The following GRB10 variants were observed in gnomAD, a reference collection of about 807,000 sequenced individuals.
GRB10 encodes growth factor receptor bound protein 10.
A neutral mutation model predicts 80.9 loss-of-function variants in GRB10; 20 were observed. That is an observed-to-expected ratio of 0.25 (90% confidence interval 0.17 to 0.36). The LOEUF is 0.36. Ranked by LOEUF, GRB10 falls within the 10% of genes least tolerant of loss-of-function variation. GRB10 has a pLI of 1.00. For synonymous variants in GRB10, 291 were observed against 291.5 expected, an observed-to-expected ratio of 1.00 and a Z score of 0.02; for missense variants, 548 against 747.7, an observed-to-expected ratio of 0.73 and a Z score of 3.12.
chr7:50,601,478 C>T (rs971589379), intron 17 of GRB10, among the ~76,000 whole-genome samples: 3 of 152,102 alleles, frequency 2.0e-5, no homozygotes, highest in African/African-American at 7.2e-5. Context: ...TGACTTTGGG[C>T]AAGGTATTTT....
intron 14 of GRB10, 64 bp downstream of exon 14, chr7:50,606,273 C>A (rs1490154598): frequency 1.5e-6 from 2 of 1,298,546 alleles, no homozygotes; most frequent in Non-Finnish European, 2.2e-6. Flanking sequence ...ATGAGGCGTC[C>A]TTAACACATG....
intron 7 of GRB10, among the ~76,000 whole-genome samples, chr7:50,651,842 C>A (rs1383898266): frequency 6.6e-6 from 1 of 152,238 alleles, no homozygotes; most frequent in African/African-American, 2.4e-5. Flanking sequence ...AACATCAAAG[C>A]CACTCTTTTG....
Position 50,639,605 on chromosome 7 carries a change from G to A in GRB10, c.505-12627C>T, listed in dbSNP as rs565449855. ...GGAGAATGGCGTGAACCGGGGAGGC[G>A]GAGCTTGCAGTGAGCCGAGATTGCG... On this transcript the variant is annotated intron_variant, in intron 7 of 18. Transcript: ENST00000401949. Among the ~76,000 whole-genome samples, 181 of 152,116 alleles carry A rather than the reference G, an allele frequency of 1.2e-3. 1 individual carries two copies. The highest frequency in any genetic ancestry group is 6.8e-3 in the Middle Eastern group (2 of 294).
chr7:50,635,595 C>G (rs781763805), intron 7 of GRB10, among the ~76,000 whole-genome samples: 12 of 148,704 alleles, frequency 8.1e-5, no homozygotes, highest in Non-Finnish European at 1.5e-4. Context: ...TCAATGAAAT[C>G]AAAAGTTGGT....
intron 2 of GRB10, among the ~76,000 whole-genome samples, chr7:50,774,569 A>G (rs1026191511): frequency 9.2e-5 from 14 of 152,144 alleles, no homozygotes; most frequent in Non-Finnish European, 1.9e-4. Flanking sequence ...GAATCCATTC[A>G]TGGGACTGGA....
At chr7:50,655,894 G>A (rs1177463653) in intron 7 of GRB10, among the ~76,000 whole-genome samples, 1 of 152,090 alleles carries the variant, frequency 6.6e-6, no homozygotes, top group Non-Finnish European at 1.5e-5. Context: ...CCTCATCTTC[G>A]GCCCCACTGA....
rs150154356 is a variant in GRB10 at position 50,694,524 on chromosome 7, T to G, written c.139+9297A>C. ...AATAGAGTGAATGACCTTGAATGAC[T>G]CTGGCCAATAACTTAAATTCTCAGA... On this transcript the variant is annotated intron_variant, in intron 5 of 18. Coordinates refer to ENST00000401949, the MANE Select transcript of GRB10 (RefSeq NM_001350814.2). 4.1e-4 allele frequency among the ~76,000 whole-genome samples: 63 copies of G among 152,268 alleles called. No homozygotes were observed. The East Asian group carries it at 0.012, about 28-fold the overall frequency.
At chr7:50,624,228 C>T (rs62447518) in intron 8 of GRB10, among the ~76,000 whole-genome samples, 1 of 152,242 alleles carries the variant, frequency 6.6e-6, no homozygotes, top group African/African-American at 2.4e-5. Flanking sequence ...ATTACCTGGG[C>T]AAGTGCTCTC....
intron 8 of GRB10, among the ~76,000 whole-genome samples, chr7:50,625,136 C>T (rs868179348): frequency 2.0e-5 from 3 of 152,052 alleles, no homozygotes; most frequent in African/African-American, 7.2e-5. Context: ...GTCTAGAAAT[C>T]AAAGGGTATC....
intron 12 of GRB10, among the ~76,000 whole-genome samples, chr7:50,613,388 T>C (rs1467194983): frequency 6.6e-6 from 1 of 151,972 alleles, no homozygotes; most frequent in Admixed American, 6.6e-5. Flanking sequence ...GGGAGACTGA[T>C]GTTGGCTCTG....
At position 50,612,659 on chromosome 7, in the gene GRB10, C is replaced by T. The variant is rs771398835; in HGVS notation, c.1194+82G>A. The T allele has an allele frequency of 1.7e-4, 145 of 868,488 alleles. No homozygotes were observed. The Admixed American group carries it at 1.7e-3, about 10-fold the overall frequency. The allele number at this position is 868,488 out of a possible 1,614,324, so 53.8% of individuals were successfully genotyped here. On this transcript the variant is annotated intron_variant, in intron 13 of 18. Coordinates refer to ENST00000401949, the MANE Select transcript of GRB10 (RefSeq NM_001350814.2). ...CAGCGGAAAAGTTACGAGCATTTTC[C>T]TGCCAGAATAGACATCAAGTCCAGA...
chr7:50,738,221 A>G (rs1177001750), intron 3 of GRB10, among the ~76,000 whole-genome samples: 1 of 152,240 alleles, frequency 6.6e-6, no homozygotes, highest in Non-Finnish European at 1.5e-5. Flanking sequence ...CCTCAAAAAT[A>G]TTAAACATAG....
intron 3 of GRB10, among the ~76,000 whole-genome samples, chr7:50,739,752 C>T (rs546767458): frequency 7.9e-5 from 12 of 152,280 alleles, no homozygotes; most frequent in Middle Eastern, 3.4e-3. Context: ...TTGGAGGGCC[C>T]GCTCCCTCAC....
chr7:50,783,969 A>G (rs1190182706), upstream of GRB10, among the ~76,000 whole-genome samples: 4 of 152,222 alleles, frequency 2.6e-5, no homozygotes, highest in Non-Finnish European at 5.9e-5. Context: ...GGTCATGACC[A>G]CAAAATTCCA....
At chr7:50,770,786 C>T (rs1478275280) in intron 2 of GRB10, among the ~76,000 whole-genome samples, 1 of 151,892 alleles carries the variant, frequency 6.6e-6, no homozygotes, top group Non-Finnish European at 1.5e-5. Flanking sequence ...GAAAATACAG[C>T]TTTTTTCCAT....
At chr7:50,611,351 T>A (rs1166015372) in intron 13 of GRB10, among the ~76,000 whole-genome samples, 1 of 152,264 alleles carries the variant, frequency 6.6e-6, no homozygotes, top group Admixed American at 6.5e-5. Flanking sequence ...CCTCAATGGA[T>A]GTCACCTATG....
In GRB10 at chr7:50,603,312, C is replaced by T. The variant is rs1384249601; in HGVS notation, c.1544+686G>A. Among the ~76,000 whole-genome samples the T allele has an allele frequency of 2.0e-5, 3 of 152,332 alleles. No individual in the cohort carries two copies. In the South Asian group the frequency reaches 6.2e-4, roughly 32 times the overall value. On this transcript the variant is annotated intron_variant, in intron 17 of 18. Transcript: ENST00000401949. ...TGGCTGGCTCCTTCCCAGGGTCATT[C>T]AAGTGTGGTCTTGGGATTTGCTTTG...
At chr7:50,685,350 C>T (rs533338755) in intron 5 of GRB10, among the ~76,000 whole-genome samples, 7 of 152,282 alleles carry the variant, frequency 4.6e-5, no homozygotes, top group Admixed American at 3.9e-4. Flanking sequence ...GTTTTTACTA[C>T]TTCTGGAAAA....
chr7:50,779,311 T>C (rs1169063221), intron 2 of GRB10: 17 of 152,158 alleles, frequency 1.1e-4, no homozygotes, highest in Non-Finnish European at 2.4e-4. Context: ...CCAACTAAAT[T>C]AGAAGCTGCA....
Sources: allele counts gnomAD v4.1 joint callset (sites outside exome capture counted in the v4.1 genomes callset), GRCh38; gene constraint gnomAD v4.1.1; transcripts MANE v1.5; gene names NCBI Gene and HGNC (gene_info 2026-07-23, HGNC 2026-07-21).